TAFA5: variants seen among roughly 807,000 people sequenced by gnomAD.
TAFA5 encodes the protein TAFA chemokine like family member 5.
A neutral mutation model predicts 15.3 loss-of-function variants in TAFA5; 6 were observed. That is an observed-to-expected ratio of 0.39 (90% CI 0.21 to 0.77). The LOEUF (loss-of-function observed/expected upper bound fraction) is 0.77. Ranked by LOEUF, TAFA5 falls within the 30% of genes least tolerant of loss-of-function variation. TAFA5 has a pLI of 0.41. For missense variants in TAFA5, 161 were observed against 193.1 expected (o/e 0.83, Z 0.98); for synonymous variants, 103 against 80.7 (o/e 1.28, Z -1.48).
intron 1 of TAFA5, among the ~76,000 whole-genome samples, chr22:48,500,440 G>A (rs1569160018): frequency 2.0e-5 from 3 of 152,222 alleles, no homozygotes; most frequent in Non-Finnish European, 4.4e-5. Flanking sequence ...GGTCACTTGG[G>A]CCACTGTGGA....
chr22:48,738,773 C>G (rs1044695496), intron 3 of TAFA5, among the ~76,000 whole-genome samples: 1 of 152,220 alleles, frequency 6.6e-6, no homozygotes, highest in Non-Finnish European at 1.5e-5. Context: ...TCAGGAGCTC[C>G]GTGTTTTTTG....
At chr22:48,732,705 C>G (rs5771755) in intron 3 of TAFA5, among the ~76,000 whole-genome samples, 1 of 152,054 alleles carries the variant, frequency 6.6e-6, no homozygotes, top group Non-Finnish European at 1.5e-5. Context: ...GAAAGAAGTT[C>G]TTCTCTAGTT....
chr22:48,646,732 C>A lies in TAFA5; in HGVS notation c.248C>A (p.Pro83His). The stretch of plus-strand genomic sequence containing the variant: ...ATCGCCGGCACCACGAGAGCCCGGC[C>A]CGCCTGTGTGGACGGTAAGCACCCG... Reference protein sequence around the residue: ...GQIAGTTRARPACVDARIIKT... With the variant: ...GQIAGTTRARHACVDARIIKT... Residue 83 changes from proline to histidine, a missense_variant, in exon 2 of 4, where the codon CCC (proline) becomes CAC (histidine). Coordinates refer to ENST00000402357, the MANE Select transcript of TAFA5 (RefSeq NM_001082967.3). The A allele has an allele frequency of 1.3e-6, 2 of 1,583,616 alleles. No individual in the cohort carries two copies. The highest frequency in any genetic ancestry group is 1.7e-6 in the Non-Finnish European group (2 of 1,168,778).
At chr22:48,492,380 A>G (rs1012392364) in intron 1 of TAFA5, among the ~76,000 whole-genome samples, 13 of 152,208 alleles carry the variant, frequency 8.5e-5, no homozygotes, top group Non-Finnish European at 1.9e-4. Context: ...CTGCCTATTA[A>G]ATCTGTGTGT....
At chr22:48,719,003 G>A (rs571353715) in intron 3 of TAFA5, among the ~76,000 whole-genome samples, 8 of 152,360 alleles carry the variant, frequency 5.3e-5, no homozygotes, top group Non-Finnish European at 1.0e-4. Flanking sequence ...TTGCCCGGCC[G>A]GGTCAGCTCC....
chr22:48,540,304 G>A (rs147081880), intron 1 of TAFA5, among the ~76,000 whole-genome samples: 1 of 152,140 alleles, frequency 6.6e-6, no homozygotes, highest in African/African-American at 2.4e-5. Context: ...AGGGCGGTGG[G>A]GGGAGGTGGA....
intron 1 of TAFA5, among the ~76,000 whole-genome samples, chr22:48,538,064 TTAGGCCGAGTGGCCTG>T: frequency 6.6e-6 from 1 of 152,178 alleles, no homozygotes; most frequent in Admixed American, 6.5e-5. Flanking sequence ...GCTCCGGGTT[TTAGGCCGAGTGGCCTG>T]CTTTTATATT....
At chr22:48,631,662 G>A (rs1357927120) in intron 1 of TAFA5, among the ~76,000 whole-genome samples, 2 of 152,224 alleles carry the variant, frequency 1.3e-5, no homozygotes, top group Non-Finnish European at 2.9e-5. Flanking sequence ...AGACTCAGGC[G>A]CTGGGAGCAG....
chr22:48,683,019 A>G (rs1468686416), intron 2 of TAFA5, among the ~76,000 whole-genome samples: 1 of 152,162 alleles, frequency 6.6e-6, no homozygotes, highest in African/African-American at 2.4e-5. Context: ...TCTTTCGGTA[A>G]TATTCAGCTA....
At chr22:48,519,062 A>G (rs1921516367) in intron 1 of TAFA5, among the ~76,000 whole-genome samples, 1 of 152,184 alleles carries the variant, frequency 6.6e-6, no homozygotes, top group African/African-American at 2.4e-5. Context: ...TAGCACAATC[A>G]ACAGCCTTCA....
intron 1 of TAFA5, among the ~76,000 whole-genome samples, chr22:48,494,607 G>A (rs1928263265): frequency 6.6e-6 from 1 of 152,174 alleles, no homozygotes; most frequent in African/African-American, 2.4e-5. Context: ...ACATGGTCCT[G>A]GGGCTTCTCC....
chr22:48,669,850 T>C (rs1036616223), intron 2 of TAFA5, among the ~76,000 whole-genome samples: 1 of 152,234 alleles, frequency 6.6e-6, no homozygotes, highest in African/African-American at 2.4e-5. Flanking sequence ...ATATGAAGGC[T>C]ATTGCAAAGC....
chr22:48,559,168 G>A (rs1030342437), intron 1 of TAFA5, among the ~76,000 whole-genome samples: 9 of 152,160 alleles, frequency 5.9e-5, no homozygotes, highest in Non-Finnish European at 1.3e-4. Context: ...TGTTGAGGCC[G>A]CCCGGGGCCA....
At position 48,598,863 on chromosome 22, in the gene TAFA5, A is replaced by G. The variant is rs1039298314; in HGVS notation, c.113-47734A>G. 6.6e-6 allele frequency among the ~76,000 whole-genome samples: 1 copy of G among 152,114 alleles called. No homozygotes were observed. Among genetic ancestry groups the G allele is most frequent in the African/African-American group, 2.4e-5 (1 of 41,432 alleles). On this transcript the variant is annotated intron_variant, in intron 1 of 3. Transcript: ENST00000402357. This position sits in a 1 kb window ranked among gnomAD's most constrained non-coding sequence, Gnocchi z 4.0. Reference sequence around the variant, plus strand: ...TACCTGTATTTCCGACTGACTGAATATAAGTCAGGGGGTTTCCACCACCCT... The same window carrying G: ...TACCTGTATTTCCGACTGACTGAATGTAAGTCAGGGGGTTTCCACCACCCT...
At position 48,661,395 on chromosome 22, in the gene TAFA5, C is replaced by T. The variant is rs115507456; in HGVS notation, c.262+14649C>T. ...TGGTGTGCAGGCCTCGAACCCCGGC[C>T]GCAGAACTCGCCCCGATGAGGGGAA... On this transcript the variant is annotated intron_variant, in intron 2 of 3. Coordinates refer to ENST00000402357, the MANE Select transcript of TAFA5 (RefSeq NM_001082967.3). Among the ~76,000 whole-genome samples, 987 of 152,322 alleles carry T rather than the reference C, an allele frequency of 6.5e-3. 9 individuals carry two copies. The highest frequency in any genetic ancestry group is 0.021 in the African/African-American group (893 of 41,580).
chr22:48,702,895 AC>A (rs1448619668), intron 2 of TAFA5, among the ~76,000 whole-genome samples: 1 of 152,196 alleles, frequency 6.6e-6, no homozygotes, highest in African/African-American at 2.4e-5. Flanking sequence ...CTGCCGTCAA[AC>A]AAAAGGTGTT....
chr22:48,715,735 G>C (rs1015820567), intron 3 of TAFA5, among the ~76,000 whole-genome samples: 21 of 152,214 alleles, frequency 1.4e-4, no homozygotes, highest in Admixed American at 3.9e-4. Context: ...GGCGCCTCAA[G>C]AGACAGAGGT....
chr22:48,674,975 C>T (rs1170219355), intron 2 of TAFA5, among the ~76,000 whole-genome samples: 1 of 150,646 alleles, frequency 6.6e-6, no homozygotes, highest in Non-Finnish European at 1.5e-5. Flanking sequence ...GAGTCTCGCT[C>T]TGTCACCCAG....
chr22:48,744,791 C>A (rs150093111), intron 3 of TAFA5, among the ~76,000 whole-genome samples: 10 of 152,270 alleles, frequency 6.6e-5, no homozygotes, highest in African/African-American at 2.4e-4. Context: ...AGAGTTTTCA[C>A]TCTTGTTGCC....
Sources: gnomAD v4.1 joint callset for allele counts (sites outside exome capture counted in the v4.1 genomes callset) on GRCh38, gnomAD v4.1.1 for gene constraint, Gnocchi (gnomAD v3.1) non-coding constraint, MANE v1.5 for transcripts, NCBI Gene and HGNC (gene_info 2026-07-23, HGNC 2026-07-21) for gene names.